THOC6: variants seen among roughly 807,000 people sequenced by gnomAD.
The protein encoded by THOC6 is THO complex 6.
THOC6 carries 39 observed loss-of-function variants against 55.8 expected under a neutral mutation model. The observed-to-expected ratio is 0.70, with a 90% confidence interval of 0.54 to 0.91. THOC6 has a LOEUF of 0.91. Among genes scored for constraint, THOC6 ranks in the 40% least tolerant of loss-of-function variants. The pLI, the probability that THOC6 is intolerant of heterozygous loss-of-function variation, is 0.00. For missense variants in THOC6, 482 were observed against 442.0 expected (o/e 1.09, Z -0.81); for synonymous variants, 192 against 175.6 (o/e 1.09, Z -0.74).
rs1428713488 is a variant in THOC6 at position 3,026,186 on chromosome 16, A to C, written c.324+20A>C. ...AAGAAGGTAAGGAGTCGAGCTTGGG[A>C]AAGGGCTGGGGTGCCTGGACCCAGA... On this transcript the variant is annotated intron_variant, in intron 4 of 12. Coordinates refer to ENST00000326266, the MANE Select transcript of THOC6 (RefSeq NM_024339.5). 3.1e-6 allele frequency: 5 copies of C among 1,611,910 alleles called. No homozygotes were observed. The African/African-American group carries it at 6.7e-5, about 22-fold the overall frequency.
At position 3,025,782 on chromosome 16, in the gene THOC6, T is replaced by G; in HGVS notation, c.114T>G (p.Phe38Leu). Residue 38 changes from phenylalanine (F) to leucine (L), a missense_variant, in exon 2 of 13, where the codon TTT (phenylalanine) becomes TTG (leucine). By Grantham distance (22) the Phe-to-Leu change is conservative (BLOSUM62 0). Transcript: ENST00000326266. ...FSQSVSPCGK[F>L]LAAGNNYGQI... ...AGAGCGTCTCACCATGTGGGAAGTTTCTGGCGGCTGGCAACAATTACGGGC... is the reference window on the plus strand; with the variant it reads ...AGAGCGTCTCACCATGTGGGAAGTTGCTGGCGGCTGGCAACAATTACGGGC... 6.2e-7 allele frequency: 1 copy of G among 1,614,218 alleles called. No homozygotes were observed. The highest frequency in any genetic ancestry group is 1.3e-5 in the African/African-American group (1 of 75,046).
In THOC6 at chr16:3,027,261, T is replaced by C. The variant is rs543984154; in HGVS notation, c.791T>C (p.Val264Ala). ...CCCATCCGGGCGCCACAGAAGCACG[T>C]CACCTTCTACCAGGACCTGGTGAGG... ...IFPIRAPQKH[V>A]TFYQDLILSA... The change falls in exon 11 of 13, where the codon GTC becomes GCC. Residue 264 changes from valine (V) to alanine (A), a missense_variant. Transcript: ENST00000326266. The C allele has an allele frequency of 5.0e-6, 8 of 1,614,206 alleles. No individual in the cohort carries two copies. The South Asian group carries it at 7.7e-5, about 16-fold the overall frequency.
chr16:3,024,373 G>A lies in THOC6; in HGVS notation c.39+8G>A, dbSNP rs1567413205. ...GCGGTGCCTCTGGGTCAGGTGAGAC[G>A]GACGTGGTGCGCGTTGCCTTCTGGG... On this transcript the variant is annotated splice_region_variant and intron_variant, in intron 1 of 12. Coordinates refer to ENST00000326266, the MANE Select transcript of THOC6 (RefSeq NM_024339.5). 2 of 1,614,112 alleles carry A rather than the reference G, an allele frequency of 1.2e-6. No homozygotes were observed. Among genetic ancestry groups the A allele is most frequent in the Admixed American group, 1.7e-5 (1 of 60,020 alleles).
rs775439608 is a variant in THOC6, at chr16:3,025,957, G to A, written c.189G>A (p.Glu63=). 3 of 1,614,240 alleles carry A rather than the reference G, an allele frequency of 1.9e-6. No homozygotes were observed. Among genetic ancestry groups the A allele is most frequent in the Non-Finnish European group, 8.5e-7 (1 of 1,180,036 alleles). The change falls in exon 3 of 13, where the codon GAG becomes GAA. Residue 63 remains glutamate, a synonymous_variant. Transcript: ENST00000326266. ...LSSALSSEAK[E]ESKKPVVTFQ... ...CTGCTTTGAGCTCAGAAGCCAAAGA[G>A]GAAAGTAAGAAGCCGGTGGTGACTT...
chr16:3,027,439 G>A lies in THOC6; in HGVS notation c.884G>A (p.Gly295Asp). Reference sequence around the variant, plus strand: ...GGGGAGCTGAAGGCCCAGGTGCCTGGCTCCTCCCCAGGGCTGCTCAGCCTC... The same window carrying A: ...GGGGAGCTGAAGGCCCAGGTGCCTGACTCCTCCCCAGGGCTGCTCAGCCTC... ...LSGELKAQVP[G>D]SSPGLLSLSL... is the part of the protein sequence containing the mutation. The change falls in exon 12 of 13, where the codon GGC becomes GAC. Residue 295 changes from glycine (G) to aspartate (D), a missense_variant. By Grantham distance (94) the Gly-to-Asp change is moderately conservative. Transcript: ENST00000326266. The A allele has an allele frequency of 6.2e-7, 1 of 1,611,706 alleles. No homozygotes were observed. Among genetic ancestry groups the A allele is most frequent in the Non-Finnish European group, 8.5e-7 (1 of 1,179,400 alleles).
rs1220964884 is a variant in THOC6, at chr16:3,026,855, C to G, written c.587-12C>G. 1.2e-6 allele frequency: 2 copies of G among 1,614,076 alleles called. No homozygotes were observed. The highest frequency in any genetic ancestry group is 2.7e-5 in the African/African-American group (2 of 74,928). ...GGCAAGTGGGGCACCACTCACAGTT[C>G]TTTCCCCGCAGACCTGCGCACAGCC... On this transcript the variant is annotated splice_polypyrimidine_tract_variant and intron_variant, in intron 8 of 12. Coordinates refer to ENST00000326266, the MANE Select transcript of THOC6 (RefSeq NM_024339.5).
intron 11 of THOC6, 40 bp downstream of exon 11, chr16:3,027,320 C>G (rs369797871): frequency 1.4e-4 from 219 of 1,614,170 alleles, no homozygotes; most frequent in Admixed American, 2.2e-4. Context: ...CCCACTGACT[C>G]TTCCCTTCAG....
chr16:3,026,702 C>A lies in THOC6; in HGVS notation c.507C>A (p.Asp169Glu). Reference sequence around the variant, plus strand: ...AGAGGGTCCTCCGGGGCCACACAGACTACATCCACTGCCTGGCACTGCGGG... The same window carrying A: ...AGAGGGTCCTCCGGGGCCACACAGAATACATCCACTGCCTGGCACTGCGGG... ...TFTRVLRGHT[D>E]YIHCLALRER... The change falls in exon 8 of 13, where the codon GAC becomes GAA. Residue 169 changes from aspartate (D) to glutamate (E), a missense_variant. By Grantham distance (45) the Asp-to-Glu change is conservative. Coordinates refer to ENST00000326266, the MANE Select transcript of THOC6 (RefSeq NM_024339.5). 1 of 1,613,672 alleles carries A rather than the reference C, an allele frequency of 6.2e-7. No individual in the cohort carries two copies. Among genetic ancestry groups the A allele is most frequent in the Non-Finnish European group, 8.5e-7 (1 of 1,179,758 alleles).
rs1053605517 is a variant in THOC6 at position 3,024,233 on chromosome 16, C to T, written c.-94C>T. Reference sequence around the variant, plus strand: ...GCACCAGCCACCTTCGCGCCGAAGGCGGTAGGGCGCCACGGAGAGGAACCG... The same window carrying T: ...GCACCAGCCACCTTCGCGCCGAAGGTGGTAGGGCGCCACGGAGAGGAACCG... On this transcript the variant is annotated 5_prime_UTR_variant, in exon 1 of 13. Coordinates refer to ENST00000326266, the MANE Select transcript of THOC6 (RefSeq NM_024339.5). 1.3e-6 allele frequency: 2 copies of T among 1,518,990 alleles called. No homozygotes were observed. The highest frequency in any genetic ancestry group is 1.1e-5 in the South Asian group (1 of 88,226). 94.1% of individuals were successfully genotyped at this position (1,518,990 alleles called of 1,614,324 possible).
chr16:3,027,460 G>T lies in THOC6; in HGVS notation c.905G>T (p.Ser302Ile). The change falls in exon 12 of 13, where the codon AGC becomes ATC. Residue 302 changes from serine (S) to isoleucine (I), a missense_variant. Coordinates refer to ENST00000326266, the MANE Select transcript of THOC6 (RefSeq NM_024339.5). Reference protein sequence around the residue: ...QVPGSSPGLLSLSLNQQPAAP... With the variant: ...QVPGSSPGLLILSLNQQPAAP... ...CCTGGCTCCTCCCCAGGGCTGCTCA[G>T]CCTCAGCCTCAACCAGCAGCCTGCC... The T allele has an allele frequency of 1.2e-6, 2 of 1,610,666 alleles. No homozygotes were observed. Among genetic ancestry groups the T allele is most frequent in the Non-Finnish European group, 1.7e-6 (2 of 1,178,594 alleles).
chr16:3,025,852 C>T (rs1409858721), intron 2 of THOC6, 29 bp downstream of exon 2: 3 of 1,613,962 alleles, frequency 1.9e-6, no homozygotes, highest in African/African-American at 1.3e-5. Context: ...CACCCATTAG[C>T]CCTGGCACTT....
Position 3,026,065 on chromosome 16 carries a change from C to T in THOC6, c.223C>T (p.His75Tyr), listed in dbSNP as rs375317137. The change falls in exon 4 of 13, where the codon CAT becomes TAT. Residue 75 changes from histidine (H) to tyrosine (Y), a missense_variant and splice_region_variant. Transcript: ENST00000326266. ...CTCAGTTCTGCATTTCTCTTTAGCC[C>T]ATGATGGGCCCGTCTATAGCATGGT... ...SKKPVVTFQA[H>Y]DGPVYSMVST... 3 of 1,612,358 alleles carry T rather than the reference C, an allele frequency of 1.9e-6. No homozygotes were observed. In the African/African-American group the frequency reaches 4.0e-5, roughly 22 times the overall value.
Position 3,027,695 on chromosome 16 carries a change from GTGTTTTTCATTTTCTTTT to G in THOC6, c.*40_*57del. 1.3e-6 allele frequency: 2 copies of G among 1,505,442 alleles called. No individual in the cohort carries two copies. The highest frequency in any genetic ancestry group is 1.8e-6 in the Non-Finnish European group (2 of 1,112,166). 93.3% of individuals were successfully genotyped at this position (1,505,442 alleles called of 1,614,324 possible). ...CCCCCAGCCAGCTCAGGGTTTTAGA[GTGTTTTTCATTTTCTTTT>G]TTTTTTTTTTTTTACAATAAAGTTT... On this transcript the variant is annotated 3_prime_UTR_variant, in exon 13 of 13. Transcript: ENST00000326266.
At position 3,024,107 on chromosome 16, in the gene THOC6, G is replaced by A. The variant is rs1032781754; in HGVS notation, c.-220G>A. 6.5e-5 allele frequency: 46 copies of A among 712,504 alleles called. No homozygotes were observed. Among genetic ancestry groups the A allele is most frequent in the Non-Finnish European group, 9.5e-5 (41 of 433,386 alleles). The allele number at this position is 712,504 out of a possible 1,614,324, so 44.1% of individuals were successfully genotyped here. A position where few individuals can be genotyped will look rare whatever the true frequency, so the allele number is the denominator to read the frequency against. ...GGAAGGCAGGCTTGCTCCTCGGGGT[G>A]GGGGAGGGTATCCGGCTTAAGGGGG... On this transcript the variant is annotated 5_prime_UTR_variant, in exon 1 of 13. Coordinates refer to ENST00000326266, the MANE Select transcript of THOC6 (RefSeq NM_024339.5).
rs1463545611 is a variant in THOC6 at position 3,024,129 on chromosome 16, G to A, written c.-198G>A. ...GGTGGGGGAGGGTATCCGGCTTAAGGGGGCTGCGGTGGACACCACTTCTTA... is the reference window on the plus strand; with the variant it reads ...GGTGGGGGAGGGTATCCGGCTTAAGAGGGCTGCGGTGGACACCACTTCTTA... On this transcript the variant is annotated 5_prime_UTR_variant, in exon 1 of 13. Coordinates refer to ENST00000326266, the MANE Select transcript of THOC6 (RefSeq NM_024339.5). 31 of 721,984 alleles carry A rather than the reference G, an allele frequency of 4.3e-5. No individual in the cohort carries two copies. Among genetic ancestry groups the A allele is most frequent in the Non-Finnish European group, 6.9e-5 (30 of 437,552 alleles). The allele number at this position is 721,984 out of a possible 1,614,324, so 44.7% of individuals were successfully genotyped here.
At chr16:3,025,348 C>G (rs1567414288) in intron 1 of THOC6, among the ~76,000 whole-genome samples, 4 of 152,348 alleles carry the variant, frequency 2.6e-5, no homozygotes, top group Admixed American at 2.6e-4. Flanking sequence ...ACCACCACAC[C>G]CGGCTTAAGC....
rs1261861752 is a variant in THOC6 at position 3,025,747 on chromosome 16, ATCT to A, written c.83_85del (p.Phe28del). The A allele has an allele frequency of 6.2e-7, 1 of 1,614,066 alleles. No homozygotes were observed. The highest frequency in any genetic ancestry group is 1.3e-5 in the African/African-American group (1 of 75,010). ...GGCCTTGCAGCGGCTCCATATGACC[ATCT>A]TCTCCCAGAGCGTCTCACCATGTGG... On this transcript the variant is annotated inframe_deletion, in exon 2 of 13. Coordinates refer to ENST00000326266, the MANE Select transcript of THOC6 (RefSeq NM_024339.5).
intron 1 of THOC6, 128 bp from the exon 2 acceptor site, chr16:3,025,580 C>A (rs866625583): frequency 1.5e-5 from 12 of 794,352 alleles, no homozygotes; most frequent in Non-Finnish European, 2.3e-5. Context: ...GGGGCGGGGC[C>A]GCCTCAAAAG....
In THOC6 at chr16:3,024,149, T is replaced by C; in HGVS notation, c.-178T>C. On this transcript the variant is annotated 5_prime_UTR_variant, in exon 1 of 13. Transcript: ENST00000326266. ...TTAAGGGGGCTGCGGTGGACACCAC[T>C]TCTTAATGTCGGGGGTCTTCGCGGC... 1 of 762,770 alleles carries C rather than the reference T, an allele frequency of 1.3e-6. No individual in the cohort carries two copies. Among genetic ancestry groups the C allele is most frequent in the South Asian group, 1.7e-5 (1 of 59,322 alleles). 47.3% of individuals were successfully genotyped at this position (762,770 alleles called of 1,614,324 possible).
Sources: gnomAD v4.1 joint callset for allele counts (sites outside exome capture counted in the v4.1 genomes callset) on GRCh38, gnomAD v4.1.1 for gene constraint, MANE v1.5 for transcripts, NCBI Gene and HGNC (gene_info 2026-07-23, HGNC 2026-07-21) for gene names.